UBASH3B: variants seen among roughly 807,000 people sequenced by gnomAD.
UBASH3B encodes ubiquitin-associated and SH3 domain-containing protein B.
A neutral mutation model predicts 83.4 loss-of-function variants in UBASH3B; 37 were observed. The ratio of observed to expected loss-of-function variants is 0.44; its 90% confidence interval spans 0.34 to 0.58. The LOEUF (loss-of-function observed/expected upper bound fraction) is 0.58, where lower values mean the gene tolerates loss of function less well. UBASH3B is among the 20% of genes least tolerant of loss of function. The probability of loss-of-function intolerance (pLI) is 0.01; values close to 1 mark genes in which losing one functional copy is unlikely to be tolerated. For synonymous variants in UBASH3B, 304 were observed against 318.3 expected (o/e 0.96, Z 0.48); for missense variants, 657 against 827.2 (o/e 0.79, Z 2.52).
intron 1 of UBASH3B, among the ~76,000 whole-genome samples, chr11:122,697,995 C>T (rs1863984125): frequency 6.6e-6 from 1 of 152,136 alleles, no homozygotes; most frequent in Non-Finnish European, 1.5e-5. Context: ...CCGAAAGTTG[C>T]ATAACGAGTC....
chr11:122,807,663 A>T (rs968114352), intron 12 of UBASH3B, among the ~76,000 whole-genome samples: 1 of 152,024 alleles, frequency 6.6e-6, no homozygotes. Context: ...TGATCCTCCC[A>T]CATCAGCCTC....
At chr11:122,737,357 TA>T (rs1182093271) in intron 1 of UBASH3B, among the ~76,000 whole-genome samples, 1 of 151,774 alleles carries the variant, frequency 6.6e-6, no homozygotes, top group Non-Finnish European at 1.5e-5. Context: ...AAACAAGGGA[TA>T]AAAAAGAACC....
At chr11:122,716,163 G>T (rs377123128) in intron 1 of UBASH3B, among the ~76,000 whole-genome samples, 19 of 152,190 alleles carry the variant, frequency 1.2e-4, no homozygotes, top group African/African-American at 4.6e-4. Flanking sequence ...GAGAGGAAGG[G>T]GGATCTCAGC....
chr11:122,739,884 C>G (rs1328196849), intron 1 of UBASH3B, among the ~76,000 whole-genome samples: 1 of 152,196 alleles, frequency 6.6e-6, no homozygotes, highest in African/African-American at 2.4e-5. Context: ...GCCCTGAAGC[C>G]ATTGCCTAAT....
chr11:122,801,517 G>A (rs182523946), intron 11 of UBASH3B, among the ~76,000 whole-genome samples, 185 bp downstream of exon 11: 2 of 152,254 alleles, frequency 1.3e-5, no homozygotes, highest in South Asian at 4.1e-4. Flanking sequence ...TTTCATATTT[G>A]GCATTAGTGT....
At chr11:122,718,773 C>T (rs1183424083) in intron 1 of UBASH3B, among the ~76,000 whole-genome samples, 1 of 152,064 alleles carries the variant, frequency 6.6e-6, no homozygotes, top group Non-Finnish European at 1.5e-5. Context: ...GTAGAATCAT[C>T]CTCTTCTTAC....
At chr11:122,764,874 C>T (rs1268365959) in intron 1 of UBASH3B, among the ~76,000 whole-genome samples, 1 of 152,178 alleles carries the variant, frequency 6.6e-6, no homozygotes, top group Non-Finnish European at 1.5e-5. Flanking sequence ...CTGGAACCAG[C>T]CTAAGCCAAC....
intron 3 of UBASH3B, among the ~76,000 whole-genome samples, chr11:122,777,810 A>G (rs1011125607): frequency 1.3e-5 from 2 of 151,902 alleles, no homozygotes; most frequent in Non-Finnish European, 1.5e-5. Context: ...GCTCACTGCA[A>G]CCTCCACCTC....
At chr11:122,782,934 CTTCT>C in intron 4 of UBASH3B, 115 bp from the exon 5 acceptor site, 2 of 1,247,700 alleles carry the variant, frequency 1.6e-6, no homozygotes, top group Non-Finnish European at 2.2e-6. Context: ...CGTCTTTTGT[CTTCT>C]TTGTTATGTG....
chr11:122,748,182 C>T (rs561928555), intron 1 of UBASH3B, among the ~76,000 whole-genome samples: 7 of 152,324 alleles, frequency 4.6e-5, no homozygotes, highest in Non-Finnish European at 1.0e-4. Flanking sequence ...TTAAAACTGA[C>T]AAAATCCATC....
intron 1 of UBASH3B, among the ~76,000 whole-genome samples, chr11:122,751,773 T>C (rs982214530): frequency 6.6e-6 from 1 of 152,194 alleles, no homozygotes; most frequent in Non-Finnish European, 1.5e-5. Flanking sequence ...TTCATTAGAA[T>C]GCTGATTTTA....
At chr11:122,772,244 C>T (rs1417569075) in intron 1 of UBASH3B, among the ~76,000 whole-genome samples, 4 of 152,198 alleles carry the variant, frequency 2.6e-5, no homozygotes, top group East Asian at 1.9e-4. Flanking sequence ...ACACCCTGCA[C>T]GTCTCCGTCA....
At chr11:122,765,904 C>T (rs1860527904) in intron 1 of UBASH3B, among the ~76,000 whole-genome samples, 1 of 152,198 alleles carries the variant, frequency 6.6e-6, no homozygotes, top group African/African-American at 2.4e-5. Flanking sequence ...CCTGTGGCCA[C>T]TCTGCACATC....
chr11:122,802,345 A>G (rs1861273127), intron 11 of UBASH3B, among the ~76,000 whole-genome samples: 1 of 151,354 alleles, frequency 6.6e-6, no homozygotes, highest in East Asian at 1.9e-4. Flanking sequence ...AAGAATTAAT[A>G]ATAATATAGT....
intron 1 of UBASH3B, among the ~76,000 whole-genome samples, chr11:122,749,764 G>C (rs912981975): frequency 6.6e-6 from 1 of 152,064 alleles, no homozygotes; most frequent in Non-Finnish European, 1.5e-5. Context: ...ACAGAGTCTC[G>C]CTCTGTCCCC....
At position 122,777,458 on chromosome 11, in the gene UBASH3B, T is replaced by C. The variant is rs137860552; in HGVS notation, c.402+248T>C. Among the ~76,000 whole-genome samples the C allele has an allele frequency of 6.7e-3, 1,017 of 152,258 alleles. 10 individuals are homozygous for C. Among genetic ancestry groups the C allele is most frequent in the African/African-American group, 0.023 (974 of 41,544 alleles). On this transcript the variant is annotated intron_variant, in intron 3 of 13. Coordinates refer to ENST00000284273, the MANE Select transcript of UBASH3B (RefSeq NM_032873.5). ...GGCAGCACCAGATTGTAACCCTCTGTGAGGGACACACTGGTCTGGCTGCTG... is the reference window on the plus strand; with the variant it reads ...GGCAGCACCAGATTGTAACCCTCTGCGAGGGACACACTGGTCTGGCTGCTG...
At chr11:122,779,287 T>C (rs139948677) in intron 3 of UBASH3B, 9 of 614,774 alleles carry the variant, frequency 1.5e-5, no homozygotes, top group South Asian at 9.5e-5. Flanking sequence ...GAAGAGGTCA[T>C]GTGTTCCCCA....
At chr11:122,709,444 C>T (rs996283293) in intron 1 of UBASH3B, 6 of 152,282 alleles carry the variant, frequency 3.9e-5, no homozygotes, top group East Asian at 1.9e-4. Flanking sequence ...ACAAGTGAGC[C>T]GCTGTAGAAG....
At chr11:122,692,387 T>C (rs1263199423) in intron 1 of UBASH3B, among the ~76,000 whole-genome samples, 1 of 152,188 alleles carries the variant, frequency 6.6e-6, no homozygotes, top group Non-Finnish European at 1.5e-5. Context: ...GATTACTCAC[T>C]GTAAGATGCC....
Sources: allele counts gnomAD v4.1 joint callset (sites outside exome capture counted in the v4.1 genomes callset), GRCh38; gene constraint gnomAD v4.1.1; transcripts MANE v1.5; gene names NCBI Gene and HGNC (gene_info 2026-07-23, HGNC 2026-07-21).